Variants in ITPR2 observed in about 807,000 individuals in gnomAD.
ITPR2 encodes inositol 1,4,5-trisphosphate receptor type 2, also known as inositol 1,4,5-trisphosphate-gated calcium channel ITPR2.
Under a neutral mutation model 317.1 loss-of-function variants are expected in ITPR2, and 207 were observed. That is an observed-to-expected ratio of 0.65 (90% CI 0.58 to 0.73). ITPR2 has a LOEUF of 0.73. Ranked by LOEUF, ITPR2 falls within the 30% of genes least tolerant of loss-of-function variation. The pLI is 0.00. For missense variants in ITPR2, 2,613 were observed against 3,284.0 expected, an observed-to-expected ratio of 0.80 and a Z score of 4.99; for synonymous variants, 1,156 against 1,149.1, an observed-to-expected ratio of 1.01 and a Z score of -0.12.
rs1457310193 is a variant in ITPR2 at position 26,342,508 on chromosome 12, G to A, written c.7858-2180C>T. Among the ~76,000 whole-genome samples, 2 of 72,956 alleles carry A rather than the reference G, an allele frequency of 2.7e-5. 1 individual carries two copies. Among genetic ancestry groups the A allele is most frequent in the South Asian group, 1.0e-3 (2 of 1,998 alleles). The allele number at this position is 72,956 out of a possible 152,430, so 47.9% of individuals were successfully genotyped here. On this transcript the variant is annotated intron_variant, in intron 55 of 56. Coordinates refer to ENST00000381340, the MANE Select transcript of ITPR2 (RefSeq NM_002223.4). ...TTGGGTCACGGCGGTGGGGGGGGGG[G>A]GGGGGCGGGGGTCAGATCCCTCAGG...
chr12:26,557,615 C>T (rs150309393), intron 35 of ITPR2, among the ~76,000 whole-genome samples: 1 of 152,284 alleles, frequency 6.6e-6, no homozygotes, highest in African/African-American at 2.4e-5. Context: ...TGCCTACAGA[C>T]CTTTGGTTTT....
chr12:26,730,405 T>C (rs1949005839), intron 2 of ITPR2, among the ~76,000 whole-genome samples: 1 of 152,184 alleles, frequency 6.6e-6, no homozygotes, highest in Admixed American at 6.6e-5. Flanking sequence ...AAATGTTTTA[T>C]GGAGTTCAAT....
intron 55 of ITPR2, among the ~76,000 whole-genome samples, chr12:26,367,615 A>G (rs144083956): frequency 6.6e-6 from 1 of 152,386 alleles, no homozygotes; most frequent in East Asian, 1.9e-4. Context: ...AAGTTATATG[A>G]AGAGAAGTAA....
chr12:26,479,530 T>C (rs1430029236), intron 43 of ITPR2, among the ~76,000 whole-genome samples: 1 of 152,188 alleles, frequency 6.6e-6, no homozygotes, highest in Non-Finnish European at 1.5e-5. Flanking sequence ...TCTATGTTGT[T>C]TCTTAATGAA....
intron 45 of ITPR2, among the ~76,000 whole-genome samples, chr12:26,445,209 T>C (rs1355173599): frequency 9.9e-5 from 15 of 152,178 alleles, no homozygotes; most frequent in Non-Finnish European, 1.5e-5. Context: ...AAACGTCATT[T>C]ACTAAGAAAA....
chr12:26,762,340 G>A (rs1949650461), intron 2 of ITPR2, among the ~76,000 whole-genome samples: 1 of 152,130 alleles, frequency 6.6e-6, no homozygotes, highest in Admixed American at 6.5e-5. Context: ...CAGCAACAGA[G>A]AAGCAACTCA....
At chr12:26,797,680 GTCT>G (rs1485032624) in intron 1 of ITPR2, among the ~76,000 whole-genome samples, 2 of 102,300 alleles carry the variant, frequency 2.0e-5, no homozygotes, top group African/African-American at 7.2e-5. Flanking sequence ...TCATGGAATT[GTCT>G]TTTTTTTTTT....
intron 14 of ITPR2, among the ~76,000 whole-genome samples, chr12:26,665,039 A>G (rs910901678): frequency 1.3e-5 from 2 of 152,348 alleles, no homozygotes; most frequent in East Asian, 1.9e-4. Context: ...CAATTAATAG[A>G]ATAAAAATAA....
chr12:26,759,486 A>G (rs1010921200), intron 2 of ITPR2, among the ~76,000 whole-genome samples: 1 of 152,228 alleles, frequency 6.6e-6, no homozygotes, highest in African/African-American at 2.4e-5. Flanking sequence ...ATGAGGTGTC[A>G]TCCTGTTGTA....
chr12:26,617,777 A>AAGGG, intron 26 of ITPR2, among the ~76,000 whole-genome samples: 1 of 150,716 alleles, frequency 6.6e-6, no homozygotes, highest in Non-Finnish European at 1.5e-5. Flanking sequence ...GGAAGGAAGG[A>AAGGG]GGGAAGGAAA....
At chr12:26,504,981 G>A (rs1943153359) in intron 37 of ITPR2, among the ~76,000 whole-genome samples, 1 of 152,264 alleles carries the variant, frequency 6.6e-6, no homozygotes, top group East Asian at 1.9e-4. Context: ...AGTCCTAGAA[G>A]ATATGCAGTA....
intron 30 of ITPR2, 40 bp downstream of exon 30, chr12:26,599,105 T>C: frequency 1.3e-6 from 2 of 1,550,076 alleles, no homozygotes; most frequent in Non-Finnish European, 1.8e-6. Flanking sequence ...TTGAACATAC[T>C]GTTTAGGTGA....
At chr12:26,518,167 C>T (rs139240595) in intron 37 of ITPR2, among the ~76,000 whole-genome samples, 1 of 152,296 alleles carries the variant, frequency 6.6e-6, no homozygotes, top group African/African-American at 2.4e-5. Context: ...CACACACATA[C>T]CATGGAAATA....
intron 9 of ITPR2, among the ~76,000 whole-genome samples, chr12:26,706,664 C>T (rs1452385737): frequency 6.6e-6 from 1 of 152,128 alleles, no homozygotes; most frequent in African/African-American, 2.4e-5. Flanking sequence ...AAATGTATCA[C>T]ACTGTACTGG....
chr12:26,686,948 A>T (rs1948138595), intron 10 of ITPR2, among the ~76,000 whole-genome samples: 1 of 152,164 alleles, frequency 6.6e-6, no homozygotes, highest in South Asian at 2.1e-4. Flanking sequence ...TGACCATTCC[A>T]CAGTTAAAAC....
chr12:26,712,812 G>A (rs1159223874), intron 8 of ITPR2, among the ~76,000 whole-genome samples: 1 of 151,760 alleles, frequency 6.6e-6, no homozygotes, highest in Non-Finnish European at 1.5e-5. Flanking sequence ...AGATTTGGAA[G>A]GGAGGGTGTT....
intron 2 of ITPR2, among the ~76,000 whole-genome samples, chr12:26,783,449 C>A (rs529050073): frequency 1.3e-5 from 2 of 152,258 alleles, no homozygotes; most frequent in South Asian, 2.1e-4. Flanking sequence ...TGTTTTATCA[C>A]CCTGATGGTA....
At chr12:26,451,626 G>A in intron 45 of ITPR2, among the ~76,000 whole-genome samples, 1 of 151,914 alleles carries the variant, frequency 6.6e-6, no homozygotes, top group Non-Finnish European at 1.5e-5. Context: ...ACAAAGATAG[G>A]TACAAAATAA....
intron 47 of ITPR2, among the ~76,000 whole-genome samples, chr12:26,436,975 A>T (rs1565526094): frequency 6.6e-6 from 1 of 152,212 alleles, no homozygotes; most frequent in Non-Finnish European, 1.5e-5. Flanking sequence ...CTATAATAAA[A>T]ACTGTTAATA....
Sources: allele counts gnomAD v4.1 joint callset (sites outside exome capture counted in the v4.1 genomes callset), GRCh38; gene constraint gnomAD v4.1.1; transcripts MANE v1.5; gene names NCBI Gene and HGNC (gene_info 2026-07-23, HGNC 2026-07-21).